The following C16orf95 variants were observed in gnomAD, a reference collection of about 807,000 sequenced individuals.
C16orf95 encodes uncharacterized protein C16orf95.
Under a neutral mutation model 32.1 loss-of-function variants are expected in C16orf95, and 41 were observed. That is an observed-to-expected ratio of 1.28 (90% confidence interval 1.00 to 1.66). The LOEUF is 1.66. Among genes scored for constraint, C16orf95 ranks in the 40% most tolerant of loss-of-function variants. C16orf95 has a pLI of 0.00. For synonymous variants in C16orf95, 147 were observed against 128.9 expected (o/e 1.14, Z -0.95); for missense variants, 399 against 325.9 (o/e 1.22, Z -1.73).
chr16:87,312,816 GAATA>G (rs1197439218), intron 3 of C16orf95, among the ~76,000 whole-genome samples: 1 of 152,036 alleles, frequency 6.6e-6, no homozygotes, highest in African/African-American at 2.4e-5. Flanking sequence ...AGAGCTACTA[GAATA>G]AATAGGTTTA....
Position 87,305,637 on chromosome 16 carries a change from T to C in C16orf95, c.701+82A>G, listed in dbSNP as rs1816948009. ...AAGCCCCACCCCCCACTCTTCCACA[T>C]CCCTGATGGCCACCAAGCCTCCCTC... On this transcript the variant is annotated intron_variant, in intron 6 of 6. Coordinates refer to ENST00000567970, the MANE Select transcript of C16orf95 (RefSeq NM_001195124.3). This position sits in a 1 kb window ranked among gnomAD's most constrained non-coding sequence, Gnocchi z 4.2. 4 of 1,288,058 alleles carry C rather than the reference T, an allele frequency of 3.1e-6. No individual in the cohort carries two copies. The highest frequency in any genetic ancestry group is 2.8e-5 in the Admixed American group (1 of 35,794). The allele number at this position is 1,288,058 out of a possible 1,614,324, so 79.8% of individuals were successfully genotyped here.
In C16orf95 at chr16:87,317,066, C is replaced by T. The variant is rs1597349329; in HGVS notation, c.152+25G>A. The T allele has an allele frequency of 3.4e-6, 5 of 1,483,336 alleles. No individual in the cohort carries two copies. The East Asian group carries it at 1.0e-4, about 31-fold the overall frequency. The allele number at this position is 1,483,336 out of a possible 1,614,324, so 91.9% of individuals were successfully genotyped here. ...TCACAGGCGAGGTGTCGGGTAGCCGCGGGCAGGATTCAGGACTCACTTGCC... is the reference window on the plus strand; with the variant it reads ...TCACAGGCGAGGTGTCGGGTAGCCGTGGGCAGGATTCAGGACTCACTTGCC... On this transcript the variant is annotated intron_variant, in intron 1 of 6. Transcript: ENST00000567970.
In C16orf95 at chr16:87,305,571, G is replaced by A. The variant is rs1597341804; in HGVS notation, c.701+148C>T. ...AGCCTGCGCTGTGCAGAGCACCACA[G>A]GACACACTCACAGTGCCGGGCCTTG... On this transcript the variant is annotated intron_variant, in intron 6 of 6. Transcript: ENST00000567970. This position sits in a 1 kb window ranked among gnomAD's most constrained non-coding sequence, Gnocchi z 4.2. The A allele has an allele frequency of 4.3e-6, 3 of 701,314 alleles. No individual in the cohort carries two copies. The South Asian group carries it at 5.9e-5, about 14-fold the overall frequency. The allele number at this position is 701,314 out of a possible 1,614,324, so 43.4% of individuals were successfully genotyped here. A position where few individuals can be genotyped will look rare whatever the true frequency, so the allele number is the denominator to read the frequency against.
chr16:87,313,409 G>C (rs1911371213), intron 3 of C16orf95, among the ~76,000 whole-genome samples: 1 of 152,176 alleles, frequency 6.6e-6, no homozygotes, highest in South Asian at 2.1e-4. Context: ...GGCCATAAAG[G>C]AATAGCTGAG....
chr16:87,306,380 C>G (rs1375679438), intron 5 of C16orf95, among the ~76,000 whole-genome samples: 1 of 152,094 alleles, frequency 6.6e-6, no homozygotes, highest in African/African-American at 2.4e-5. Flanking sequence ...TTTCCATTTC[C>G]TTGATGCTCT....
chr16:87,311,622 C>G (rs1284055768), intron 3 of C16orf95, among the ~76,000 whole-genome samples: 1 of 152,220 alleles, frequency 6.6e-6, no homozygotes, highest in Non-Finnish European at 1.5e-5. Context: ...CTGGTGGTCT[C>G]CAGCTGGGGC....
At chr16:87,311,427 G>T in intron 3 of C16orf95, 131 bp from the exon 4 acceptor site, 3 of 924,554 alleles carry the variant, frequency 3.2e-6, no homozygotes, top group Non-Finnish European at 4.7e-6. Flanking sequence ...GCCCTGGAGA[G>T]CTGTTCCCAC....
intron 5 of C16orf95, among the ~76,000 whole-genome samples, chr16:87,309,917 G>T (rs1396878429): frequency 6.6e-6 from 1 of 152,022 alleles, no homozygotes; most frequent in Non-Finnish European, 1.5e-5. Context: ...ATATAATAGG[G>T]TACACATAGG....
At chr16:87,313,305 T>TAGTA (rs760287000) in intron 3 of C16orf95, among the ~76,000 whole-genome samples, 13 of 152,012 alleles carry the variant, frequency 8.6e-5, no homozygotes, top group Non-Finnish European at 1.9e-4. Flanking sequence ...CAAGACAGTG[T>TAGTA]AGTATTAGCA....
chr16:87,303,097 T>C lies in C16orf95; in HGVS notation c.702-22A>G, dbSNP rs1357945845. The C allele has an allele frequency of 2.6e-6, 4 of 1,535,816 alleles. No homozygotes were observed. The African/African-American group carries it at 4.1e-5, about 16-fold the overall frequency. On this transcript the variant is annotated intron_variant, in intron 6 of 6. Transcript: ENST00000567970. ...CTGGCTGGAAAGCAAAGAGAGACAG[T>C]TACTAGGACCCGGCCCCAGGCTGAG... is the stretch of plus-strand genomic sequence containing the variant.
Position 87,317,234 on chromosome 16 carries a change from C to A in C16orf95, c.9G>T (p.Ala3=). 1 of 1,527,588 alleles carries A rather than the reference C, an allele frequency of 6.5e-7. No individual in the cohort carries two copies. The highest frequency in any genetic ancestry group is 8.8e-7 in the Non-Finnish European group (1 of 1,142,510). 94.6% of individuals were successfully genotyped at this position (1,527,588 alleles called of 1,614,324 possible). Residue 3 remains alanine, a synonymous_variant, in exon 1 of 7, where the codon GCG becomes GCT. Transcript: ENST00000567970. MR[A]SRSPPSPRRC... ...GCCGCGGGGACGGTGGGGACCGGCT[C>A]GCACGCATATGGCTTCTTATGGCTG...
chr16:87,306,073 G>T (rs1347003380), intron 5 of C16orf95, 168 bp from the exon 6 acceptor site: 1 of 465,434 alleles, frequency 2.1e-6, no homozygotes, highest in East Asian at 3.5e-5. Flanking sequence ...GATAAAGGCC[G>T]TCTTGCGGGT....
At chr16:87,307,323 G>C (rs1334102070) in intron 5 of C16orf95, among the ~76,000 whole-genome samples, 1 of 152,192 alleles carries the variant, frequency 6.6e-6, no homozygotes, top group Non-Finnish European at 1.5e-5. Flanking sequence ...CATATACTAT[G>C]TCATGAGAGC....
rs192002006 is a variant in C16orf95, at chr16:87,307,836, C to A, written c.515-1931G>T. On this transcript the variant is annotated intron_variant, in intron 5 of 6. Coordinates refer to ENST00000567970, the MANE Select transcript of C16orf95 (RefSeq NM_001195124.3). ...ACATAAGCTCTACAAGGTCAAGACA[C>A]TTTTGTCAGTGATGACACCAGCTAC... 4.3e-3 allele frequency among the ~76,000 whole-genome samples: 649 copies of A among 152,312 alleles called. 6 individuals carry two copies. The highest frequency in any genetic ancestry group is 0.015 in the African/African-American group (605 of 41,564).
intron 5 of C16orf95, among the ~76,000 whole-genome samples, chr16:87,310,029 G>T (rs1004572996): frequency 2.0e-5 from 3 of 152,164 alleles, no homozygotes; most frequent in Non-Finnish European, 4.4e-5. Context: ...TCCAAGCCCA[G>T]GCGGGGAGTT....
chr16:87,310,013 G>T (rs1027681243), intron 5 of C16orf95, among the ~76,000 whole-genome samples: 1 of 152,092 alleles, frequency 6.6e-6, no homozygotes, highest in Non-Finnish European at 1.5e-5. Flanking sequence ...ACCACTTGAG[G>T]TCTCATCCAA....
At position 87,316,878 on chromosome 16, in the gene C16orf95, G is replaced by T. The variant is rs373998620; in HGVS notation, c.152+213C>A. 9.8e-5 allele frequency among the ~76,000 whole-genome samples: 15 copies of T among 152,370 alleles called. No homozygotes were observed. In the East Asian group the frequency reaches 1.7e-3, roughly 18 times the overall value. ...GAAACCTTCCAGGACCATGGTCAAT[G>T]TGTACCTGGATACATCCATGCCTGA... On this transcript the variant is annotated intron_variant, in intron 1 of 6. Coordinates refer to ENST00000567970, the MANE Select transcript of C16orf95 (RefSeq NM_001195124.3).
chr16:87,310,989 C>T (rs1911258217), intron 4 of C16orf95, among the ~76,000 whole-genome samples, 161 bp downstream of exon 4: 1 of 152,214 alleles, frequency 6.6e-6, no homozygotes, highest in Non-Finnish European at 1.5e-5. Context: ...TGCTCCCAAG[C>T]CCATGGCCAC....
chr16:87,315,651 A>G, intron 2 of C16orf95, 121 bp downstream of exon 2: 1 of 765,906 alleles, frequency 1.3e-6, no homozygotes. Context: ...CTGCAACCAC[A>G]CTTTTGTGTT....
Sources: allele counts gnomAD v4.1 joint callset (sites outside exome capture counted in the v4.1 genomes callset), GRCh38; gene constraint gnomAD v4.1.1; non-coding constraint Gnocchi (gnomAD v3.1); transcripts MANE v1.5; gene names NCBI Gene and HGNC (gene_info 2026-07-23, HGNC 2026-07-21).